The following KAZN variants were observed in gnomAD, a reference collection of about 807,000 sequenced individuals.
KAZN encodes the protein kazrin.
In KAZN, 40 loss-of-function variants were observed where a neutral mutation model predicts 87.4. The observed-to-expected ratio is 0.46, with a 90% CI of 0.36 to 0.60. KAZN has a LOEUF of 0.60. Ranked by LOEUF, KAZN falls within the 20% of genes least tolerant of loss-of-function variation. KAZN has a pLI of 0.00. For synonymous variants in KAZN, 466 were observed against 458.3 expected (o/e 1.02, Z -0.22); for missense variants, 898 against 1,073.9 (o/e 0.84, Z 2.29).
intron 1 of KAZN, among the ~76,000 whole-genome samples, chr1:14,632,275 T>C (rs1372039423): frequency 6.6e-6 from 1 of 152,218 alleles, no homozygotes; most frequent in African/African-American, 2.4e-5. Context: ...TGTTTTTATT[T>C]TAAAGCAAAC....
intron 1 of KAZN, among the ~76,000 whole-genome samples, chr1:13,955,584 C>A (rs959914363): frequency 1.3e-5 from 2 of 151,984 alleles, no homozygotes; most frequent in Middle Eastern, 3.2e-3. Flanking sequence ...GATTATGGCC[C>A]AAACTCTTCA....
intron 1 of KAZN, among the ~76,000 whole-genome samples, chr1:14,766,091 G>T (rs1644875386): frequency 6.6e-6 from 1 of 152,190 alleles, no homozygotes. Context: ...AGGATAGTGA[G>T]ACAGGAGAGG....
chr1:15,053,984 A>G (rs904135053), intron 4 of KAZN, among the ~76,000 whole-genome samples: 3 of 152,126 alleles, frequency 2.0e-5, no homozygotes, highest in South Asian at 2.1e-4. Context: ...CAGGCTTTTC[A>G]CTATACAGAT....
chr1:13,893,697 C>T, exon 1 of KAZN: 1 of 1,550,512 alleles, frequency 6.4e-7, no homozygotes, highest in Non-Finnish European at 8.7e-7. Flanking sequence ...TCCAATTCTG[C>T]CACAGGCCCC....
intron 1 of KAZN, among the ~76,000 whole-genome samples, chr1:14,906,026 G>C (rs1394456137): frequency 6.6e-6 from 1 of 151,556 alleles, no homozygotes; most frequent in East Asian, 1.9e-4. Context: ...AATTAGCTGG[G>C]TATGGTGGCA....
intron 2 of KAZN, among the ~76,000 whole-genome samples, chr1:14,453,109 C>G (rs1280768124): frequency 6.6e-6 from 1 of 152,142 alleles, no homozygotes; most frequent in East Asian, 1.9e-4. Flanking sequence ...GCGCCCACCA[C>G]TACACCTGGC....
chr1:13,943,187 G>GA (rs1375445092), intron 1 of KAZN, among the ~76,000 whole-genome samples: 3 of 151,988 alleles, frequency 2.0e-5, no homozygotes, highest in Non-Finnish European at 4.4e-5. Context: ...TTATGAAAAT[G>GA]AAAAAAGGAA....
In KAZN at chr1:15,066,487, T is replaced by C; in HGVS notation, c.1222+734T>C. 2 of 985,180 alleles carry C rather than the reference T, an allele frequency of 2.0e-6. No homozygotes were observed. The highest frequency in any genetic ancestry group is 2.4e-6 in the Non-Finnish European group (2 of 829,882). The allele number at this position is 985,180 out of a possible 1,614,324, so 61.0% of individuals were successfully genotyped here. ...GCCAAGGGGCCTTGTCTTGGCTGGG[T>C]TTGTCAGAGGTCAAACCGGCTCTTT... is the stretch of plus-strand genomic sequence containing the variant. On this transcript the variant is annotated intron_variant, in intron 8 of 14. Coordinates refer to ENST00000376030, the MANE Select transcript of KAZN (RefSeq NM_201628.3). This position sits in a 1 kb window ranked among gnomAD's most constrained non-coding sequence, Gnocchi z 4.3.
chr1:14,975,964 G>A (rs193026112), intron 2 of KAZN, among the ~76,000 whole-genome samples: 14 of 151,198 alleles, frequency 9.3e-5, no homozygotes, highest in Non-Finnish European at 1.3e-4. Context: ...CCCGGGAGGC[G>A]GAGCTTGCAG....
At chr1:14,176,807 C>T (rs1050786996) in intron 1 of KAZN, among the ~76,000 whole-genome samples, 16 of 152,116 alleles carry the variant, frequency 1.1e-4, no homozygotes, top group East Asian at 1.9e-4. Context: ...CGAGGATTTA[C>T]GATATCCATC....
chr1:14,522,533 C>T (rs1230601062), intron 2 of KAZN, among the ~76,000 whole-genome samples: 1 of 152,102 alleles, frequency 6.6e-6, no homozygotes, highest in African/African-American at 2.4e-5. Flanking sequence ...ACAATTTGGT[C>T]TCTTGGATTA....
intron 2 of KAZN, 100 bp from the exon 3 acceptor site, chr1:15,034,648 AC>A (rs1672071883): frequency 7.2e-7 from 1 of 1,387,986 alleles, no homozygotes. Context: ...CTGTTTTCTC[AC>A]CTGTTACAAA....
chr1:14,985,969 C>T (rs1262528251), intron 2 of KAZN, among the ~76,000 whole-genome samples: 9 of 142,950 alleles, frequency 6.3e-5, no homozygotes, highest in African/African-American at 2.3e-4. Context: ...CGCCACTGCA[C>T]TCCAGCCTGG....
intron 1 of KAZN, among the ~76,000 whole-genome samples, chr1:14,115,350 C>A (rs1402845223): frequency 1.3e-5 from 2 of 152,196 alleles, no homozygotes; most frequent in South Asian, 2.1e-4. Flanking sequence ...ATCTTGAATT[C>A]CCACATGTTG....
Position 14,382,376 on chromosome 1 carries a change from C to G in KAZN, c.249+201784C>G, listed in dbSNP as rs375825831. Among the ~76,000 whole-genome samples the G allele has an allele frequency of 1.1e-3, 173 of 151,498 alleles. 7 individuals are homozygous for G. The East Asian group carries it at 0.029, about 25-fold the overall frequency. The stretch of plus-strand genomic sequence containing the variant: ...GTACATGTGCACAATGTGCAGGTTA[C>G]TTACATATGTATACATGTACCATGC... On this transcript the variant is annotated intron_variant, in intron 2 of 16. Transcript: ENST00000636203.
At chr1:14,004,694 CT>C (rs61013975) in intron 1 of KAZN, among the ~76,000 whole-genome samples, 73,248 of 151,742 alleles carry the variant, frequency 0.48, 18,401 homozygotes, top group Admixed American at 0.61. Flanking sequence ...GATTTGTGCA[CT>C]TTTGTACATA....
intron 2 of KAZN, among the ~76,000 whole-genome samples, chr1:14,249,761 G>T (rs1649842800): frequency 6.6e-6 from 1 of 152,166 alleles, no homozygotes. Context: ...GCCAGGTGGG[G>T]CTGCATTTCT....
intron 2 of KAZN, among the ~76,000 whole-genome samples, chr1:14,439,121 C>G (rs1319118712): frequency 6.6e-6 from 1 of 152,206 alleles, no homozygotes; most frequent in Non-Finnish European, 1.5e-5. Context: ...ATATCCAAAA[C>G]TGAACTCATC....
At chr1:14,962,594 T>C (rs1212714073) in intron 2 of KAZN, among the ~76,000 whole-genome samples, 1 of 152,222 alleles carries the variant, frequency 6.6e-6, no homozygotes, top group African/African-American at 2.4e-5. Context: ...CACAAGCAAG[T>C]GCTGCTGGGC....
Sources: gnomAD v4.1 joint callset for allele counts (sites outside exome capture counted in the v4.1 genomes callset) on GRCh38, gnomAD v4.1.1 for gene constraint, Gnocchi (gnomAD v3.1) non-coding constraint, MANE v1.5 for transcripts, NCBI Gene and HGNC (gene_info 2026-07-23, HGNC 2026-07-21) for gene names.